The following APOBEC3A variants were observed in gnomAD, a reference collection of about 807,000 sequenced individuals.
APOBEC3A encodes apolipoprotein B mRNA editing enzyme catalytic subunit 3A, also known as DNA dC->dU-editing enzyme APOBEC-3A.
A neutral mutation model predicts 23.0 loss-of-function variants in APOBEC3A; 13 were observed. The ratio of observed to expected loss-of-function variants is 0.57; its 90% CI spans 0.37 to 0.90. The LOEUF is 0.90. Ranked by LOEUF, APOBEC3A falls within the 40% of genes least tolerant of loss-of-function variation. The pLI, the probability that APOBEC3A is intolerant of heterozygous loss-of-function variation, is 0.01. For synonymous variants in APOBEC3A, 74 were observed against 101.3 expected, an observed-to-expected ratio of 0.73 and a Z score of 1.62; for missense variants, 179 against 264.9, an observed-to-expected ratio of 0.68 and a Z score of 2.25.
intron 1 of APOBEC3A, among the ~76,000 whole-genome samples, chr22:38,958,563 TTTC>T (rs1011184633): frequency 4.4e-5 from 6 of 135,536 alleles, no homozygotes; most frequent in East Asian, 2.1e-4. Flanking sequence ...CCTTCCTCTC[TTTC>T]TTCTTTCCTT....
chr22:38,959,553 A>G lies in APOBEC3A; in HGVS notation c.41A>G (p.Asp14Gly). The G allele has an allele frequency of 6.8e-6, 11 of 1,613,896 alleles. No individual in the cohort carries two copies. Among genetic ancestry groups the G allele is most frequent in the Non-Finnish European group, 8.5e-6 (10 of 1,179,894 alleles). ...SPASGPRHLM[D>G]PHIFTSNFNN... ...CTGGCTGTCCACAGACACTTGATGG[A>G]TCCACACATATTCACTTCCAACTTT... Residue 14 changes from aspartate (D) to glycine (G), a missense_variant, in exon 2 of 5, where the codon GAT becomes GGT. This residue lies in a region of APOBEC3A where 87 missense variants were observed against 74.5 expected (regional missense o/e 1.17). Coordinates refer to ENST00000249116, the MANE Select transcript of APOBEC3A (RefSeq NM_145699.4).
Position 38,960,756 on chromosome 22 carries a change from C to T in APOBEC3A, c.175-631C>T, listed in dbSNP as rs866408131. Among the ~76,000 whole-genome samples, 388 of 150,092 alleles carry T rather than the reference C, an allele frequency of 2.6e-3. 5 individuals are homozygous for T. Among genetic ancestry groups the T allele is most frequent in the African/African-American group, 7.9e-3 (311 of 39,582 alleles). On this transcript the variant is annotated intron_variant, in intron 2 of 4. Transcript: ENST00000249116. The stretch of plus-strand genomic sequence containing the variant: ...CACAGGTTGTGGCACAGAATAGAAG[C>T]TTCTAGAATTATGGGCCACAGATGG...
chr22:38,958,154 T>C (rs905433099), intron 1 of APOBEC3A, among the ~76,000 whole-genome samples: 6 of 152,222 alleles, frequency 3.9e-5, no homozygotes, highest in Non-Finnish European at 5.9e-5. Context: ...GTAGGACTGC[T>C]TGGCTATGAG....
intron 1 of APOBEC3A, among the ~76,000 whole-genome samples, chr22:38,958,938 G>A (rs1178266628): frequency 6.6e-6 from 1 of 151,972 alleles, no homozygotes; most frequent in African/African-American, 2.4e-5. Context: ...GAGAGGGGCT[G>A]GGAGAGGTCT....
chr22:38,962,405 C>T lies in APOBEC3A; in HGVS notation c.586-90C>T. ...CACCTCCCGCATCCCTCCCTCCTCT[C>T]CCGTCATTGTCACTGTCCCCAGGCC... On this transcript the variant is annotated intron_variant, in intron 4 of 4. Coordinates refer to ENST00000249116, the MANE Select transcript of APOBEC3A (RefSeq NM_145699.4). The T allele has an allele frequency of 1.9e-6, 3 of 1,560,064 alleles. No individual in the cohort carries two copies. The South Asian group carries it at 3.5e-5, about 18-fold the overall frequency.
rs1958556962 is a variant in APOBEC3A at position 38,957,677 on chromosome 22, A to G, written c.-15A>G. On this transcript the variant is annotated 5_prime_UTR_variant, in exon 1 of 5. Coordinates refer to ENST00000249116, the MANE Select transcript of APOBEC3A (RefSeq NM_145699.4). ...GCGGGAGGACACAGACCAGGAACCG[A>G]GAAGGGACAAGCACATGGAAGCCAG... The G allele has an allele frequency of 6.2e-7, 1 of 1,612,480 alleles. No homozygotes were observed. The highest frequency in any genetic ancestry group is 1.7e-5 in the Admixed American group (1 of 59,812).
At chr22:38,962,031 C>T (rs1042230843) in intron 3 of APOBEC3A, 67 bp from the exon 4 acceptor site, 14 of 1,554,754 alleles carry the variant, frequency 9.0e-6, no homozygotes, top group Non-Finnish European at 1.1e-5. Flanking sequence ...TCCTGAGAGT[C>T]ATGGGCCCTA....
chr22:38,962,033 T>C, intron 3 of APOBEC3A, 65 bp from the exon 4 acceptor site: 1 of 1,557,842 alleles, frequency 6.4e-7, no homozygotes, highest in Non-Finnish European at 8.7e-7. Flanking sequence ...CTGAGAGTCA[T>C]GGGCCCTAGG....
At chr22:38,959,808 C>G in intron 2 of APOBEC3A, 122 bp downstream of exon 2, 3 of 1,346,402 alleles carry the variant, frequency 2.2e-6, no homozygotes, top group Non-Finnish European at 3.0e-6. Flanking sequence ...CTTCCTGCAG[C>G]TGCTGCTGCT....
intron 1 of APOBEC3A, among the ~76,000 whole-genome samples, chr22:38,958,920 G>A (rs1461115753): frequency 6.6e-6 from 1 of 151,326 alleles, no homozygotes; most frequent in Admixed American, 6.6e-5. Context: ...ATTATGTCAG[G>A]ATGCATAGAG....
Position 38,961,667 on chromosome 22 carries a change from T to G in APOBEC3A, c.455T>G (p.Ile152Ser). 1 of 1,450,700 alleles carries G rather than the reference T, an allele frequency of 6.9e-7. No homozygotes were observed. The highest frequency in any genetic ancestry group is 9.4e-7 in the Non-Finnish European group (1 of 1,065,946). The allele number at this position is 1,450,700 out of a possible 1,614,324, so 89.9% of individuals were successfully genotyped here. Residue 152 changes from isoleucine (I) to serine (S), a missense_variant, in exon 3 of 5, where the codon ATC (isoleucine) becomes AGC (serine). Ile to Ser is a moderately radical substitution (Grantham distance 142, BLOSUM62 -2). Coordinates refer to ENST00000249116, the MANE Select transcript of APOBEC3A (RefSeq NM_145699.4). Reference protein sequence around the residue: ...MLRDAGAQVSIMTYDEFKHCW... With the variant: ...MLRDAGAQVSSMTYDEFKHCW... ...CGGGATGCTGGGGCCCAAGTCTCCA[T>G]CATGACCTACGATGGTAAGAATGGA...
At chr22:38,959,292 C>T (rs1057196530) in intron 1 of APOBEC3A, among the ~76,000 whole-genome samples, 9 of 152,088 alleles carry the variant, frequency 5.9e-5, no homozygotes, top group South Asian at 2.1e-4. Flanking sequence ...GGGTCCTCCT[C>T]GGAGGGCCTG....
chr22:38,957,646 G>A lies in APOBEC3A; in HGVS notation c.-46G>A, dbSNP rs370196237. ...CTTAACACCACGCCTTGAGCAAGTC[G>A]CAAGAGCGGGAGGACACAGACCAGG... On this transcript the variant is annotated 5_prime_UTR_variant, in exon 1 of 5. Coordinates refer to ENST00000249116, the MANE Select transcript of APOBEC3A (RefSeq NM_145699.4). 27 of 1,605,724 alleles carry A rather than the reference G, an allele frequency of 1.7e-5. No individual in the cohort carries two copies. Among genetic ancestry groups the A allele is most frequent in the Admixed American group, 1.0e-4 (6 of 58,888 alleles).
chr22:38,959,253 G>A (rs1922754661), intron 1 of APOBEC3A, among the ~76,000 whole-genome samples: 1 of 152,130 alleles, frequency 6.6e-6, no homozygotes, highest in Non-Finnish European at 1.5e-5. Flanking sequence ...CACAGAATAA[G>A]ACCCAGCTCT....
rs1375562555 is a variant in APOBEC3A at position 38,958,523 on chromosome 22, TTC to T, written c.29+805_29+806del. Among the ~76,000 whole-genome samples, 5 of 148,152 alleles carry T rather than the reference TTC, an allele frequency of 3.4e-5. No individual in the cohort carries two copies. The East Asian group carries it at 9.8e-4, about 29-fold the overall frequency. The stretch of plus-strand genomic sequence containing the variant: ...TCTTTTTCTTTCATTCTTTCCTTCT[TTC>T]TTTCTTTTACTTCCTTCCTCCCTCC... On this transcript the variant is annotated intron_variant, in intron 1 of 4. Transcript: ENST00000249116.
At position 38,957,737 on chromosome 22, in the gene APOBEC3A, C is replaced by T. The variant is rs572224274; in HGVS notation, c.29+17C>T. Reference sequence around the variant, plus strand: ...CGGGCCCAGGTATGGGAAGCCCCTCCGAGCACCTCTGCGCCTCAGCCTCCT... The same window carrying T: ...CGGGCCCAGGTATGGGAAGCCCCTCTGAGCACCTCTGCGCCTCAGCCTCCT... On this transcript the variant is annotated intron_variant, in intron 1 of 4. Transcript: ENST00000249116. 15 of 1,610,572 alleles carry T rather than the reference C, an allele frequency of 9.3e-6. No homozygotes were observed. The highest frequency in any genetic ancestry group is 4.0e-5 in the African/African-American group (3 of 74,966).
At chr22:38,962,453 C>T (rs1922948673) in intron 4 of APOBEC3A, 42 bp from the exon 5 acceptor site, 6 of 1,594,676 alleles carry the variant, frequency 3.8e-6, no homozygotes, top group Non-Finnish European at 5.1e-6. Context: ...CCTCTTTCCA[C>T]TCTCTCACCT....
chr22:38,958,107 T>C (rs1922651761), intron 1 of APOBEC3A, among the ~76,000 whole-genome samples: 2 of 152,226 alleles, frequency 1.3e-5, no homozygotes, highest in South Asian at 4.1e-4. Context: ...TTCAGTGTCA[T>C]CTCGTTCTCC....
At chr22:38,958,222 C>T (rs1449306241) in intron 1 of APOBEC3A, among the ~76,000 whole-genome samples, 1 of 152,188 alleles carries the variant, frequency 6.6e-6, no homozygotes, top group Admixed American at 6.5e-5. Context: ...AGCCCAGATT[C>T]ATGCCCAGGT....
Sources: gnomAD v4.1 joint callset for allele counts (sites outside exome capture counted in the v4.1 genomes callset) on GRCh38, gnomAD v4.1.1 for gene constraint, gnomAD v4.1.1 regional missense constraint, MANE v1.5 for transcripts, NCBI Gene and HGNC (gene_info 2026-07-23, HGNC 2026-07-21) for gene names.